NTMT1: variants seen among roughly 807,000 people sequenced by gnomAD.
The protein encoded by NTMT1 is N-terminal Xaa-Pro-Lys N-methyltransferase 1.
A neutral mutation model predicts 17.5 loss-of-function variants in NTMT1; 8 were observed. That is an observed-to-expected ratio of 0.46 (90% CI 0.27 to 0.82). The LOEUF (loss-of-function observed/expected upper bound fraction) is 0.82. Ranked by LOEUF, NTMT1 falls within the 40% of genes least tolerant of loss-of-function variation. The probability of loss-of-function intolerance (pLI) is 0.15; values close to 1 mark genes in which losing one functional copy is unlikely to be tolerated. For synonymous variants in NTMT1, 128 were observed against 126.8 expected (o/e 1.01, Z -0.06); for missense variants, 221 against 303.5 (o/e 0.73, Z 2.02).
rs562764906 is a variant in NTMT1, at chr9:129,633,480, GTTCAAGT to G, written c.163-572_163-566del. On this transcript the variant is annotated intron_variant, in intron 2 of 3. Transcript: ENST00000372483. ...AGACTCAGGAGAGATTAGTGCACCT[GTTCAAGT>G]TATCACCTTTAAGTGGAAATTAGCT... 108 of 161,234 alleles carry G rather than the reference GTTCAAGT, an allele frequency of 6.7e-4. 1 individual carries two copies. Among genetic ancestry groups the G allele is most frequent in the African/African-American group, 2.3e-3 (95 of 41,890 alleles). 10.0% of individuals were successfully genotyped at this position (161,234 alleles called of 1,614,324 possible).
At chr9:129,612,990 T>G in intron 1 of NTMT1, 1 of 1,340,532 alleles carries the variant, frequency 7.5e-7, no homozygotes, top group Non-Finnish European at 1.0e-6. Flanking sequence ...GTGACTTGGC[T>G]CTCAGGGAGG....
chr9:129,609,701 G>T (rs1388042364), intron 1 of NTMT1, among the ~76,000 whole-genome samples: 1 of 152,144 alleles, frequency 6.6e-6, no homozygotes, highest in African/African-American at 2.4e-5. Flanking sequence ...AAGAGCTGGG[G>T]TTGGGTCCAT....
intron 1 of NTMT1, chr9:129,612,194 C>T (rs967953226): frequency 2.2e-5 from 14 of 643,454 alleles, no homozygotes; most frequent in Non-Finnish European, 3.3e-5. Flanking sequence ...CAGGAACCCC[C>T]AGAGACCAGC....
In NTMT1 at chr9:129,620,584, C is replaced by G. The variant is rs1830650244; in HGVS notation, c.-55+11406C>G. 6 of 1,336,182 alleles carry G rather than the reference C, an allele frequency of 4.5e-6. No homozygotes were observed. Among genetic ancestry groups the G allele is most frequent in the Non-Finnish European group, 5.8e-6 (6 of 1,041,980 alleles). The allele number at this position is 1,336,182 out of a possible 1,614,324, so 82.8% of individuals were successfully genotyped here. On this transcript the variant is annotated intron_variant, in intron 1 of 3. Coordinates refer to the NTMT1 transcript ENST00000372486. The surrounding 1 kb of genome is among the most constrained non-coding windows in gnomAD (Gnocchi z 5.8). ...GTCGACGCCAGAACATGCTTGGCCC[C>G]GCACTCAGCTCACCGCACCCTCAGC...
chr9:129,628,501 A>G (rs1830999650), intron 1 of NTMT1: 1 of 152,242 alleles, frequency 6.6e-6, no homozygotes, highest in Non-Finnish European at 1.5e-5. Flanking sequence ...TCAGGCCTTC[A>G]GTATTTACCA....
At chr9:129,630,747 A>C (rs1048505801) in intron 1 of NTMT1, among the ~76,000 whole-genome samples, 1 of 152,208 alleles carries the variant, frequency 6.6e-6, no homozygotes, top group Non-Finnish European at 1.5e-5. Flanking sequence ...CCTCGTGTGG[A>C]GGCAGCACGT....
upstream of NTMT1, among the ~76,000 whole-genome samples, chr9:129,624,421 A>AGG (rs540693336): frequency 6.6e-6 from 1 of 152,176 alleles, no homozygotes; most frequent in Admixed American, 6.5e-5. Flanking sequence ...AGCTTGGGAG[A>AGG]GGGGCTCAGA....
At chr9:129,634,973 G>A (rs11540632) in intron 3 of NTMT1, 106,004 of 546,970 alleles carry the variant, frequency 0.19, 11,674 homozygotes, top group East Asian at 0.3. Context: ...AAGCCATCCC[G>A]TCAAGTCAAA....
chr9:129,634,991 T>G, intron 3 of NTMT1: 5 of 586,460 alleles, frequency 8.5e-6, no homozygotes, highest in South Asian at 4.4e-5. Flanking sequence ...AAATTCTGGC[T>G]TAATGTGTCT....
chr9:129,610,080 T>G (rs1830075295), intron 1 of NTMT1, among the ~76,000 whole-genome samples: 1 of 148,330 alleles, frequency 6.7e-6, no homozygotes, highest in Non-Finnish European at 1.5e-5. Flanking sequence ...GCGGCGGGAC[T>G]GAGGCTTCCG....
At chr9:129,616,855 A>C (rs1227883951) in intron 1 of NTMT1, among the ~76,000 whole-genome samples, 1 of 152,090 alleles carries the variant, frequency 6.6e-6, no homozygotes, top group Non-Finnish European at 1.5e-5. Flanking sequence ...GGCAGATCAA[A>C]AGGTCAAGAG....
Position 129,635,274 on chromosome 9 carries a change from G to A in NTMT1, c.482G>A (p.Gly161Asp), listed in dbSNP as rs867050238. 3.1e-6 allele frequency: 5 copies of A among 1,613,416 alleles called. No individual in the cohort carries two copies. The African/African-American group carries it at 4.0e-5, about 13-fold the overall frequency. ...RRCKGSLRPN[G>D]IIVIKDNMAQ... ...TGCAAGGGCAGCCTCCGCCCCAACG[G>A]CATCATCGTCATCAAAGACAACATG... The change falls in exon 4 of 4, where the codon GGC becomes GAC. Residue 161 changes from glycine to aspartate, a missense_variant. Physicochemically the swap from Gly to Asp is moderately conservative, Grantham distance 94. Transcript: ENST00000372483.
intron 1 of NTMT1, chr9:129,612,983 A>G: frequency 1.6e-6 from 2 of 1,235,040 alleles, no homozygotes; most frequent in Non-Finnish European, 2.2e-6. Flanking sequence ...CCCCACGGTG[A>G]CTTGGCTCTC....
intron 1 of NTMT1, among the ~76,000 whole-genome samples, chr9:129,621,074 C>G (rs527601333): frequency 6.6e-5 from 10 of 152,258 alleles, no homozygotes; most frequent in Non-Finnish European, 1.5e-4. Context: ...AGCCGTGAAA[C>G]GGCATCACCG....
At chr9:129,628,873 A>G (rs929050390) in intron 1 of NTMT1, among the ~76,000 whole-genome samples, 1 of 152,234 alleles carries the variant, frequency 6.6e-6, no homozygotes, top group Non-Finnish European at 1.5e-5. Context: ...GAGAGAACTG[A>G]ATACAAAACC....
In NTMT1 at chr9:129,612,184, C is replaced by T. The variant is rs557516314; in HGVS notation, c.-55+3006C>T. 9.4e-5 allele frequency: 58 copies of T among 616,158 alleles called. No individual in the cohort carries two copies. The South Asian group carries it at 9.9e-4, about 11-fold the overall frequency. 38.2% of individuals were successfully genotyped at this position (616,158 alleles called of 1,614,324 possible). On this transcript the variant is annotated intron_variant, in intron 1 of 3. Coordinates refer to the NTMT1 transcript ENST00000372486. ...GGCTGTGTCTCCATCCCCTTCCTTC[C>T]AGGAACCCCCAGAGACCAGCAACCA...
At chr9:129,625,702 A>AT (rs1008896003), upstream of NTMT1, among the ~76,000 whole-genome samples, 165 of 147,902 alleles carry the variant, frequency 1.1e-3, no homozygotes, top group African/African-American at 2.2e-3. Flanking sequence ...CCCGTCTCTA[A>AT]TTTTTTTTTT....
At chr9:129,616,992 A>T (rs1320442187) in intron 1 of NTMT1, among the ~76,000 whole-genome samples, 1 of 152,104 alleles carries the variant, frequency 6.6e-6, no homozygotes, top group Non-Finnish European at 1.5e-5. Context: ...ACTTGAACCC[A>T]GGAGGTAGAG....
At chr9:129,615,596 G>T in intron 1 of NTMT1, 1 of 1,604,906 alleles carries the variant, frequency 6.2e-7, no homozygotes. Context: ...CCCCCGAGGG[G>T]TTGTGGGTCA....
Sources: gnomAD v4.1 joint callset for allele counts (sites outside exome capture counted in the v4.1 genomes callset) on GRCh38, gnomAD v4.1.1 for gene constraint, Gnocchi (gnomAD v3.1) non-coding constraint, MANE v1.5 for transcripts, NCBI Gene and HGNC (gene_info 2026-07-23, HGNC 2026-07-21) for gene names.